HPSE2: variants seen among roughly 807,000 people sequenced by gnomAD.
The protein encoded by HPSE2 is heparanase 2 (inactive).
In HPSE2, 38 loss-of-function variants were observed where a neutral mutation model predicts 60.5. That is an observed-to-expected ratio of 0.63 (90% CI 0.48 to 0.82). The LOEUF (loss-of-function observed/expected upper bound fraction) is 0.82. Ranked by LOEUF, HPSE2 falls within the 40% of genes least tolerant of loss-of-function variation. The probability of loss-of-function intolerance (pLI) is 0.00; values close to 1 mark genes in which losing one functional copy is unlikely to be tolerated. For missense variants in HPSE2, 713 were observed against 740.4 expected, an observed-to-expected ratio of 0.96 and a Z score of 0.43; for synonymous variants, 295 against 293.2, an observed-to-expected ratio of 1.01 and a Z score of -0.06.
At chr10:98,799,043 C>T (rs1181014402) in intron 3 of HPSE2, among the ~76,000 whole-genome samples, 1 of 152,040 alleles carries the variant, frequency 6.6e-6, no homozygotes, top group Non-Finnish European at 1.5e-5. Flanking sequence ...CTATAAGAAA[C>T]ACACTTCACC....
At chr10:99,218,682 T>G (rs1465935207) in intron 2 of HPSE2, among the ~76,000 whole-genome samples, 3 of 152,238 alleles carry the variant, frequency 2.0e-5, no homozygotes, top group African/African-American at 7.2e-5. Flanking sequence ...TTGTTGAAAA[T>G]CCTGACTTTT....
chr10:99,161,590 C>T (rs1192674894), intron 2 of HPSE2, among the ~76,000 whole-genome samples: 2 of 152,074 alleles, frequency 1.3e-5, no homozygotes, highest in Non-Finnish European at 2.9e-5. Context: ...TAAGAATGTT[C>T]TAAGGATGAA....
the HPSE2 span, among the ~76,000 whole-genome samples, chr10:99,249,078 G>GGGAAATGT: frequency 6.6e-6 from 1 of 152,208 alleles, no homozygotes; most frequent in South Asian, 2.1e-4. Context: ...TAGTGTGGAG[G>GGGAAATGT]GGAAATGTGG....
At chr10:99,204,335 T>C (rs992203494) in intron 2 of HPSE2, among the ~76,000 whole-genome samples, 2 of 152,320 alleles carry the variant, frequency 1.3e-5, no homozygotes, top group Middle Eastern at 3.4e-3. Flanking sequence ...GCCTGATGAC[T>C]CCAGCAGCAG....
At chr10:98,462,062 G>T (rs1382943696) in intron 11 of HPSE2, among the ~76,000 whole-genome samples, 1 of 152,202 alleles carries the variant, frequency 6.6e-6, no homozygotes, top group Non-Finnish European at 1.5e-5. Flanking sequence ...TTTTGCATCT[G>T]TAAGAACGTT....
At chr10:98,843,209 C>T (rs759425145) in intron 3 of HPSE2, among the ~76,000 whole-genome samples, 3 of 152,122 alleles carry the variant, frequency 2.0e-5, no homozygotes, top group East Asian at 1.9e-4. Flanking sequence ...CTCCACCCTC[C>T]GATAGGCCCC....
At chr10:99,063,000 C>A (rs894397949) in intron 3 of HPSE2, among the ~76,000 whole-genome samples, 50 of 152,100 alleles carry the variant, frequency 3.3e-4, no homozygotes, top group African/African-American at 1.2e-3. Context: ...TTCTACTTTC[C>A]CTTGTCATGG....
intron 5 of HPSE2, among the ~76,000 whole-genome samples, chr10:98,714,132 T>C (rs1948737672): frequency 6.6e-6 from 1 of 151,952 alleles, no homozygotes; most frequent in South Asian, 2.1e-4. Flanking sequence ...TATTTCTCTG[T>C]CTCTGTATAA....
chr10:98,859,521 A>G (rs1952403062), intron 3 of HPSE2, among the ~76,000 whole-genome samples: 2 of 152,168 alleles, frequency 1.3e-5, no homozygotes, highest in South Asian at 4.1e-4. Flanking sequence ...AAAAGTGGAG[A>G]AGTAGAAATG....
At chr10:99,286,732 A>G in the HPSE2 span, among the ~76,000 whole-genome samples, 2 of 152,238 alleles carry the variant, frequency 1.3e-5, no homozygotes, top group Non-Finnish European at 2.9e-5. Context: ...AATGAAAAAA[A>G]TTAATGTGTT....
At chr10:99,236,418 C>T (rs183162674), upstream of HPSE2, among the ~76,000 whole-genome samples, 2 of 152,210 alleles carry the variant, frequency 1.3e-5, no homozygotes, top group Admixed American at 1.3e-4. Context: ...ACCGACAGCA[C>T]GCTTGTTTCT....
intron 3 of HPSE2, among the ~76,000 whole-genome samples, chr10:99,094,527 T>C (rs1843634869): frequency 4.9e-5 from 1 of 20,354 alleles, no homozygotes; most frequent in African/African-American, 1.1e-4. Flanking sequence ...TATATATATA[T>C]ATATATATAT....
At chr10:98,984,835 G>A (rs1282089049) in intron 3 of HPSE2, among the ~76,000 whole-genome samples, 2 of 152,190 alleles carry the variant, frequency 1.3e-5, no homozygotes, top group Non-Finnish European at 1.5e-5. Context: ...CGAGAACTAC[G>A]TGACGAATGC....
chr10:98,494,997 A>G (rs909642884), intron 9 of HPSE2, among the ~76,000 whole-genome samples: 37 of 152,182 alleles, frequency 2.4e-4, no homozygotes, highest in African/African-American at 7.7e-4. Flanking sequence ...TTCATACAAC[A>G]TTGAATTACT....
chr10:99,020,922 G>A (rs991942791), intron 3 of HPSE2, among the ~76,000 whole-genome samples: 2 of 152,144 alleles, frequency 1.3e-5, no homozygotes, highest in Admixed American at 6.5e-5. Context: ...GATATGTTCT[G>A]GAAAACTATG....
intron 9 of HPSE2, among the ~76,000 whole-genome samples, chr10:98,579,019 A>C (rs1021777417): frequency 5.3e-5 from 8 of 152,224 alleles, no homozygotes; most frequent in Non-Finnish European, 7.3e-5. Flanking sequence ...AATTTAAAAT[A>C]GTTTTAATTG....
chr10:98,838,374 G>A (rs1400781559), intron 3 of HPSE2, among the ~76,000 whole-genome samples: 1 of 152,032 alleles, frequency 6.6e-6, no homozygotes, highest in East Asian at 1.9e-4. Flanking sequence ...CTGGCACATA[G>A]CTGAATGCAT....
chr10:98,716,202 G>C (rs1948784876), intron 5 of HPSE2, among the ~76,000 whole-genome samples: 1 of 151,738 alleles, frequency 6.6e-6, no homozygotes, highest in African/African-American at 2.4e-5. Flanking sequence ...ACATTTTCAG[G>C]CTACACTTCT....
At chr10:98,669,527 T>C (rs964523455) in intron 6 of HPSE2, among the ~76,000 whole-genome samples, 4 of 152,220 alleles carry the variant, frequency 2.6e-5, no homozygotes, top group South Asian at 2.1e-4. Context: ...ATTTGGTACA[T>C]ATACAGCATG....
Sources: gnomAD v4.1 joint callset for allele counts (sites outside exome capture counted in the v4.1 genomes callset) on GRCh38, gnomAD v4.1.1 for gene constraint, MANE v1.5 for transcripts, NCBI Gene and HGNC (gene_info 2026-07-23, HGNC 2026-07-21) for gene names.